Variants in STMN1 observed in about 807,000 individuals in gnomAD.
STMN1 encodes the protein stathmin 1.
In STMN1, 3 loss-of-function variants were observed where a neutral mutation model predicts 19.7. The ratio of observed to expected loss-of-function variants is 0.15; its 90% confidence interval spans 0.07 to 0.39. The LOEUF is 0.39. Ranked by LOEUF, STMN1 falls within the 10% of genes least tolerant of loss-of-function variation. The pLI, the probability that STMN1 is intolerant of heterozygous loss-of-function variation, is 1.00. For missense variants in STMN1, 99 were observed against 176.0 expected (o/e 0.56, Z 2.48); for synonymous variants, 59 against 58.9 (o/e 1.00, Z -0.01).
Position 25,901,608 on chromosome 1 carries a change from T to C in STMN1, c.261A>G (p.Ile87Met). ...EHEKEVLQKAIEENNNFSKMA... is the reference protein window; with the variant it reads ...EHEKEVLQKAMEENNNFSKMA... Reference sequence around the variant, plus strand: ...TTTTACTGAAGTTGTTGTTCTCTTCTATTGCCTTCTGAAGCACTTCTTTCT... The same window carrying C: ...TTTTACTGAAGTTGTTGTTCTCTTCCATTGCCTTCTGAAGCACTTCTTTCT... Residue 87 changes from isoleucine to methionine, a missense_variant, in exon 4 of 5, where the codon ATA (isoleucine) becomes ATG (methionine). Around this residue, in one of 3 missense-constraint regions of STMN1, gnomAD observed 54 missense variants for 79.4 expected, o/e 0.68. Coordinates refer to ENST00000455785, the MANE Select transcript of STMN1 (RefSeq NM_005563.4). 1 of 1,614,148 alleles carries C rather than the reference T, an allele frequency of 6.2e-7. No individual in the cohort carries two copies. The highest frequency in any genetic ancestry group is 8.5e-7 in the Non-Finnish European group (1 of 1,180,004).
At chr1:25,886,985 C>G (rs943276000) in intron 4 of STMN1, among the ~76,000 whole-genome samples, 3 of 152,110 alleles carry the variant, frequency 2.0e-5, no homozygotes, top group African/African-American at 7.2e-5. Context: ...TCCCCACCAC[C>G]CTGTTCTGAC....
In STMN1 at chr1:25,900,462, T is replaced by C; in HGVS notation, c.*554A>G. ...CAGAGAACGTGCGGTCATTTGTGCGTTGGGTATTTCTACCAGCCCCAAAGG... is the reference window on the plus strand; with the variant it reads ...CAGAGAACGTGCGGTCATTTGTGCGCTGGGTATTTCTACCAGCCCCAAAGG... On this transcript the variant is annotated 3_prime_UTR_variant, in exon 5 of 5. Transcript: ENST00000455785. 2.0e-6 allele frequency: 2 copies of C among 985,874 alleles called. No individual in the cohort carries two copies. Among genetic ancestry groups the C allele is most frequent in the Non-Finnish European group, 2.4e-6 (2 of 829,980 alleles). The allele number at this position is 985,874 out of a possible 1,614,324, so 61.1% of individuals were successfully genotyped here.
At chr1:25,885,854 G>A in exon 5 of STMN1, 1 of 1,545,630 alleles carries the variant, frequency 6.5e-7, no homozygotes, top group Non-Finnish European at 8.7e-7. Flanking sequence ...CCAGGCCCGT[G>A]AGTCCAGAAG....
intron 3 of STMN1, 185 bp from the exon 4 acceptor site, chr1:25,901,867 G>C: frequency 2.4e-6 from 1 of 410,648 alleles, no homozygotes; most frequent in Non-Finnish European, 4.1e-6. Flanking sequence ...AAAATTAGCC[G>C]GGCGTGGTGG....
At chr1:25,902,545 A>ATTG (rs1557484432) in intron 3 of STMN1, 10 of 152,258 alleles carry the variant, frequency 6.6e-5, no homozygotes, top group Admixed American at 1.3e-4. Flanking sequence ...GCTTGTTCTC[A>ATTG]AAACACATTG....
At chr1:25,896,861 T>C (rs2048821698), downstream of STMN1, among the ~76,000 whole-genome samples, 1 of 152,134 alleles carries the variant, frequency 6.6e-6, no homozygotes, top group Non-Finnish European at 1.5e-5. Context: ...TCACCAGCAA[T>C]GTGTCTGGGT....
At chr1:25,888,210 G>T (rs1315732596) in intron 4 of STMN1, among the ~76,000 whole-genome samples, 1 of 152,200 alleles carries the variant, frequency 6.6e-6, no homozygotes, top group Non-Finnish European at 1.5e-5. Context: ...AAACACTGAA[G>T]AAACATGTTG....
intron 4 of STMN1, among the ~76,000 whole-genome samples, chr1:25,888,621 A>C (rs76974781): frequency 0.015 from 2,231 of 152,292 alleles, 53 homozygotes; most frequent in African/African-American, 0.05. Context: ...TTCATTCAGC[A>C]GCAAGCAATG....
Position 25,900,511 on chromosome 1 carries a change from C to G in STMN1, c.*505G>C, listed in dbSNP as rs1032538489. 3 of 985,824 alleles carry G rather than the reference C, an allele frequency of 3.0e-6. No homozygotes were observed. Among genetic ancestry groups the G allele is most frequent in the East Asian group, 1.1e-4 (1 of 8,842 alleles). 61.1% of individuals were successfully genotyped at this position (985,824 alleles called of 1,614,324 possible). ...GGCCCCATCTGGAACAAGTATCAAC[C>G]AGGAGGGGCTCTATGGCTTGATTTA... On this transcript the variant is annotated 3_prime_UTR_variant, in exon 5 of 5. Coordinates refer to ENST00000455785, the MANE Select transcript of STMN1 (RefSeq NM_005563.4).
In STMN1 at chr1:25,889,138, T is replaced by C. The variant is rs1227598245; in HGVS notation, c.379-3269A>G. The stretch of plus-strand genomic sequence containing the variant: ...ATTCCACATGAGATGGCACACACAT[T>C]TATGCTGTCTGAAGGTCACAATCAC... On this transcript the variant is annotated intron_variant, in intron 4 of 4. Coordinates refer to the STMN1 transcript ENST00000426559. 6.9e-5 allele frequency: 29 copies of C among 421,660 alleles called. No homozygotes were observed. The Admixed American group carries it at 8.1e-4, about 12-fold the overall frequency. 26.1% of individuals were successfully genotyped at this position (421,660 alleles called of 1,614,324 possible). A position where few individuals can be genotyped will look rare whatever the true frequency, so the allele number is the denominator to read the frequency against.
Position 25,886,665 on chromosome 1 carries a change from T to C in STMN1, c.379-796A>G, listed in dbSNP as rs141473123. ...ATGCAGTCGTGTGATCTCAGCTCACTGCAACCTCCGCCTCCCAGGTTCAAG... is the reference window on the plus strand; with the variant it reads ...ATGCAGTCGTGTGATCTCAGCTCACCGCAACCTCCGCCTCCCAGGTTCAAG... On this transcript the variant is annotated intron_variant, in intron 4 of 4. Coordinates refer to the STMN1 transcript ENST00000426559. Among the ~76,000 whole-genome samples the C allele has an allele frequency of 4.2e-3, 615 of 146,988 alleles. 4 individuals are homozygous for C. Among genetic ancestry groups the C allele is most frequent in the African/African-American group, 0.015 (588 of 39,752 alleles).
chr1:25,900,111 A>AGGAGTTGCTACAGCAG, downstream of STMN1: 1 of 985,848 alleles, frequency 1.0e-6, no homozygotes, highest in Non-Finnish European at 1.2e-6. Context: ...GTCATTTCAC[A>AGGAGTTGCTACAGCAG]GGAGTTGCTA....
chr1:25,899,307 T>TC (rs11376635), downstream of STMN1, among the ~76,000 whole-genome samples: 88,894 of 151,944 alleles, frequency 0.59, 26,271 homozygotes, highest in South Asian at 0.76. Flanking sequence ...CTCTTTATAT[T>TC]CCCATCTATT....
intron 4 of STMN1, chr1:25,889,118 A>T (rs571617366): frequency 1.5e-5 from 7 of 462,372 alleles, no homozygotes; most frequent in Non-Finnish European, 2.9e-5. Flanking sequence ...AAGGAATTCC[A>T]CATGAGATGG....
intron 2 of STMN1, among the ~76,000 whole-genome samples, chr1:25,904,196 A>G (rs1031908742): frequency 1.3e-5 from 2 of 152,182 alleles, no homozygotes; most frequent in Non-Finnish European, 2.9e-5. Flanking sequence ...CCATGTCGAT[A>G]GTCCCAGATG....
chr1:25,900,270 C>A lies in STMN1; in HGVS notation c.*746G>T, dbSNP rs1391176798. On this transcript the variant is annotated 3_prime_UTR_variant, in exon 5 of 5. Coordinates refer to ENST00000455785, the MANE Select transcript of STMN1 (RefSeq NM_005563.4). The stretch of plus-strand genomic sequence containing the variant: ...TTCTCTCTCAACTGTTCTCTAGAAA[C>A]ACGCTTGTGCTTTTAATCTGCCTTT... The A allele has an allele frequency of 2.0e-6, 2 of 985,756 alleles. No homozygotes were observed. The highest frequency in any genetic ancestry group is 1.1e-4 in the East Asian group (1 of 8,826). The allele number at this position is 985,756 out of a possible 1,614,324, so 61.1% of individuals were successfully genotyped here.
At chr1:25,905,693 C>G (rs1009189036) in intron 1 of STMN1, among the ~76,000 whole-genome samples, 4 of 152,174 alleles carry the variant, frequency 2.6e-5, no homozygotes, top group Non-Finnish European at 2.9e-5. Context: ...TGCCTGACTC[C>G]CCCTGCGCGG....
chr1:25,897,298 G>A (rs1303842423), downstream of STMN1, among the ~76,000 whole-genome samples: 1 of 140,772 alleles, frequency 7.1e-6, no homozygotes, highest in Non-Finnish European at 1.5e-5. Context: ...GGGCAACAGA[G>A]CAAGACTGTC....
chr1:25,887,422 G>A, intron 4 of STMN1: 1 of 365,720 alleles, frequency 2.7e-6, no homozygotes, highest in Non-Finnish European at 5.4e-6. Flanking sequence ...CGGTGATGCT[G>A]AAACAAAGTG....
Sources: allele counts gnomAD v4.1 joint callset (sites outside exome capture counted in the v4.1 genomes callset), GRCh38; gene constraint gnomAD v4.1.1; regional missense constraint gnomAD v4.1.1; transcripts MANE v1.5; gene names NCBI Gene and HGNC (gene_info 2026-07-23, HGNC 2026-07-21).